Variants in MICOS10 observed in about 807,000 individuals in gnomAD.
MICOS10 encodes the protein MICOS complex subunit MIC10.
Under a neutral mutation model 13.4 loss-of-function variants are expected in MICOS10, and 5 were observed. The observed-to-expected ratio is 0.37, with a 90% CI of 0.20 to 0.78. MICOS10 has a LOEUF of 0.78. Among genes scored for constraint, MICOS10 ranks in the 30% least tolerant of loss-of-function variants. The pLI is 0.47. For synonymous variants in MICOS10, 35 were observed against 33.6 expected (o/e 1.04, Z -0.15); for missense variants, 101 against 94.6 (o/e 1.07, Z -0.28).
At position 19,626,500 on chromosome 1, in the gene MICOS10, A is replaced by C. The variant is rs1295928327; in HGVS notation, c.*99A>C. The C allele has an allele frequency of 2.3e-6, 3 of 1,324,838 alleles. No homozygotes were observed. The highest frequency in any genetic ancestry group is 3.2e-6 in the Non-Finnish European group (3 of 927,810). The allele number at this position is 1,324,838 out of a possible 1,614,324, so 82.1% of individuals were successfully genotyped here. A position where few individuals can be genotyped will look rare whatever the true frequency, so the allele number is the denominator to read the frequency against. ...GAGTAAGCTGCCATTCTTCTGTAACAATGTTATCAGTAATGCTTTAAACTC... is the reference window on the plus strand; with the variant it reads ...GAGTAAGCTGCCATTCTTCTGTAACCATGTTATCAGTAATGCTTTAAACTC... On this transcript the variant is annotated 3_prime_UTR_variant, in exon 4 of 4. Transcript: ENST00000322753.
intron 1 of MICOS10, among the ~76,000 whole-genome samples, chr1:19,611,970 C>CAAAAA (rs1198566051): frequency 2.2e-5 from 2 of 91,396 alleles, no homozygotes; most frequent in Non-Finnish European, 2.1e-5. Flanking sequence ...GGCTCCATCT[C>CAAAAA]AAAAAAAAAA....
intron 1 of MICOS10, among the ~76,000 whole-genome samples, chr1:19,620,299 G>C (rs917653527): frequency 6.6e-6 from 1 of 152,216 alleles, no homozygotes; most frequent in African/African-American, 2.4e-5. Flanking sequence ...CCCCCGATCA[G>C]GTGGGACTTC....
intron 1 of MICOS10, among the ~76,000 whole-genome samples, chr1:19,606,353 A>G (rs1451935442): frequency 6.6e-6 from 1 of 152,198 alleles, no homozygotes; most frequent in Admixed American, 6.5e-5. Flanking sequence ...ATAGGTCTCT[A>G]ATTATATGCA....
At chr1:19,613,371 C>T (rs1252518331) in intron 1 of MICOS10, among the ~76,000 whole-genome samples, 1 of 152,170 alleles carries the variant, frequency 6.6e-6, no homozygotes, top group Non-Finnish European at 1.5e-5. Flanking sequence ...AGGGTAGAGG[C>T]CACGATCCTT....
At chr1:19,619,122 T>C (rs1444478235) in intron 1 of MICOS10, among the ~76,000 whole-genome samples, 1 of 152,244 alleles carries the variant, frequency 6.6e-6, no homozygotes, top group African/African-American at 2.4e-5. Flanking sequence ...TCAAAGTGAA[T>C]TTCTGTTTCT....
intron 1 of MICOS10, chr1:19,614,364 A>G (rs929002242): frequency 7.5e-5 from 11 of 147,206 alleles, no homozygotes; most frequent in African/African-American, 2.9e-4. Flanking sequence ...ACCTGCACAC[A>G]TACACACCCA....
chr1:19,618,339 A>G (rs1192347109), intron 1 of MICOS10, among the ~76,000 whole-genome samples: 1 of 151,696 alleles, frequency 6.6e-6, no homozygotes, highest in East Asian at 1.9e-4. Context: ...ATGCAGTCTG[A>G]CTGTGTTGCC....
chr1:19,611,922 A>G (rs916417671), intron 1 of MICOS10, among the ~76,000 whole-genome samples: 4 of 145,430 alleles, frequency 2.8e-5, no homozygotes, highest in African/African-American at 5.3e-5. Flanking sequence ...CAGTGAGCCA[A>G]GATCGCGCCA....
intron 2 of MICOS10, among the ~76,000 whole-genome samples, chr1:19,622,397 C>A (rs1432214257): frequency 1.3e-5 from 2 of 152,184 alleles, no homozygotes; most frequent in Non-Finnish European, 2.9e-5. Flanking sequence ...AATATGATAT[C>A]ATTGCAAAAG....
At chr1:19,608,327 T>C in intron 1 of MICOS10, 1 of 1,309,780 alleles carries the variant, frequency 7.6e-7, no homozygotes, top group Non-Finnish European at 1.1e-6. Context: ...ATCCTCGCCA[T>C]ATGCTGCTAT....
chr1:19,615,357 A>G (rs1363857069), intron 1 of MICOS10, among the ~76,000 whole-genome samples: 1 of 133,926 alleles, frequency 7.5e-6, no homozygotes, highest in African/African-American at 3.7e-5. Flanking sequence ...TACACATCTC[A>G]TGGGTTTCAT....
At chr1:19,602,134 A>C in intron 1 of MICOS10, among the ~76,000 whole-genome samples, 1 of 152,214 alleles carries the variant, frequency 6.6e-6, no homozygotes, top group East Asian at 1.9e-4. Context: ...TGTAAACTTC[A>C]TAAGAACCAG....
rs1448320410 is a variant in MICOS10 at position 19,628,701 on chromosome 1, A to G, written c.*2300A>G. The G allele has an allele frequency of 2.0e-5, 3 of 149,750 alleles. No homozygotes were observed. Among genetic ancestry groups the G allele is most frequent in the Non-Finnish European group, 3.0e-5 (2 of 67,294 alleles). The allele number at this position is 149,750 out of a possible 1,614,324, so 9.3% of individuals were successfully genotyped here. On this transcript the variant is annotated 3_prime_UTR_variant, in exon 4 of 4. Transcript: ENST00000322753. The stretch of plus-strand genomic sequence containing the variant: ...GTCTCAAAAAAAAAAAAAAAAAAAA[A>G]GCATTTTCCTTCCCCAATTTTTCTG...
intron 1 of MICOS10, among the ~76,000 whole-genome samples, chr1:19,598,625 A>T (rs78271744): frequency 6.8e-6 from 1 of 147,912 alleles, no homozygotes; most frequent in Non-Finnish European, 1.5e-5. Flanking sequence ...AAAAAAAAAA[A>T]GGAGAAGAAG....
At chr1:19,605,580 T>C (rs1223973486) in intron 1 of MICOS10, among the ~76,000 whole-genome samples, 1 of 152,376 alleles carries the variant, frequency 6.6e-6, no homozygotes, top group East Asian at 1.9e-4. Context: ...GTTGCATTTA[T>C]CTGTTCATCA....
chr1:19,600,289 T>G (rs2094808841), intron 1 of MICOS10, among the ~76,000 whole-genome samples: 1 of 152,008 alleles, frequency 6.6e-6, no homozygotes, highest in East Asian at 1.9e-4. Context: ...AAGGGAGTTG[T>G]CCTGTTGGTG....
chr1:19,597,131 C>G (rs1471208557), intron 1 of MICOS10, 22 bp downstream of exon 1: 1 of 1,597,198 alleles, frequency 6.3e-7, no homozygotes, highest in Non-Finnish European at 8.5e-7. Context: ...TTCGCCCCAG[C>G]AGGCCCGGCC....
chr1:19,626,383 A>G lies in MICOS10; in HGVS notation c.223-4A>G. The G allele has an allele frequency of 1.2e-6, 2 of 1,613,926 alleles. No individual in the cohort carries two copies. Among genetic ancestry groups the G allele is most frequent in the South Asian group, 2.2e-5 (2 of 91,070 alleles). Reference sequence around the variant, plus strand: ...GTTTTAAGCTGAATGTCCTTGCTTTACAGGAGCAGGAGCAGTGACTTCACC... The same window carrying G: ...GTTTTAAGCTGAATGTCCTTGCTTTGCAGGAGCAGGAGCAGTGACTTCACC... On this transcript the variant is annotated splice_polypyrimidine_tract_variant and splice_region_variant and intron_variant, in intron 3 of 3. Coordinates refer to ENST00000322753, the MANE Select transcript of MICOS10 (RefSeq NM_001032363.4).
rs534240449 is a variant in MICOS10, at chr1:19,608,492, G to A, written c.64+11383G>A. The A allele has an allele frequency of 7.6e-5, 92 of 1,210,422 alleles. No homozygotes were observed. In the South Asian group the frequency reaches 8.0e-4, roughly 10 times the overall value. The allele number at this position is 1,210,422 out of a possible 1,614,324, so 75.0% of individuals were successfully genotyped here. A position where few individuals can be genotyped will look rare whatever the true frequency, so the allele number is the denominator to read the frequency against. On this transcript the variant is annotated intron_variant, in intron 1 of 3. Transcript: ENST00000322753. ...CCTTGCCTGCTCGGGTATGAAGATCGGGAGGATTGAGGACGTCACCCCCAT... is the reference window on the plus strand; with the variant it reads ...CCTTGCCTGCTCGGGTATGAAGATCAGGAGGATTGAGGACGTCACCCCCAT...
Sources: gnomAD v4.1 joint callset for allele counts (sites outside exome capture counted in the v4.1 genomes callset) on GRCh38, gnomAD v4.1.1 for gene constraint, MANE v1.5 for transcripts, NCBI Gene and HGNC (gene_info 2026-07-23, HGNC 2026-07-21) for gene names.